The following ZFYVE9 variants were observed in gnomAD, a reference collection of about 807,000 sequenced individuals.
ZFYVE9 encodes the protein zinc finger FYVE domain-containing protein 9.
Under a neutral mutation model 126.7 loss-of-function variants are expected in ZFYVE9, and 43 were observed. The observed-to-expected ratio is 0.34, with a 90% CI of 0.27 to 0.44. The LOEUF is 0.44. ZFYVE9 is among the 20% of genes least tolerant of loss of function. ZFYVE9 has a pLI of 1.00. For synonymous variants in ZFYVE9, 521 were observed against 597.4 expected (o/e 0.87, Z 1.87); for missense variants, 1,476 against 1,697.0 (o/e 0.87, Z 2.29).
At chr1:52,309,363 C>T (rs1260441269) in intron 13 of ZFYVE9, among the ~76,000 whole-genome samples, 2 of 152,250 alleles carry the variant, frequency 1.3e-5, no homozygotes, top group East Asian at 3.9e-4. Context: ...CCCGTAGTCC[C>T]AGCTACTTGG....
chr1:52,208,496 GTTC>G (rs1415570003), intron 1 of ZFYVE9, among the ~76,000 whole-genome samples: 11 of 147,380 alleles, frequency 7.5e-5, no homozygotes, highest in East Asian at 5.9e-4. Context: ...AGTCTGAATT[GTTC>G]TTCTTTTTTT....
At chr1:52,177,464 G>A (rs576931543) in intron 1 of ZFYVE9, among the ~76,000 whole-genome samples, 6 of 152,200 alleles carry the variant, frequency 3.9e-5, no homozygotes, top group African/African-American at 1.4e-4. Flanking sequence ...ATGTTTCTTT[G>A]TTGATTTTTT....
At chr1:52,323,290 A>G (rs556975259) in intron 13 of ZFYVE9, among the ~76,000 whole-genome samples, 16 of 151,472 alleles carry the variant, frequency 1.1e-4, no homozygotes, top group African/African-American at 3.6e-4. Context: ...ACATCCTCTG[A>G]CTCTCCTATT....
At position 52,274,438 on chromosome 1, in the gene ZFYVE9, T is replaced by C. The variant is rs775049066; in HGVS notation, c.2626-26T>C. The stretch of plus-strand genomic sequence containing the variant: ...CAAAGTCTTGAATTCTCTGTAGTGC[T>C]CACTTTGTTGATTTGCTTTTCCTAG... On this transcript the variant is annotated intron_variant, in intron 7 of 18. Coordinates refer to ENST00000287727, the MANE Select transcript of ZFYVE9 (RefSeq NM_004799.4). 9 of 1,586,210 alleles carry C rather than the reference T, an allele frequency of 5.7e-6. No individual in the cohort carries two copies. The South Asian group carries it at 9.2e-5, about 16-fold the overall frequency.
chr1:52,274,419 C>T, intron 7 of ZFYVE9, 45 bp from the exon 8 acceptor site: 1 of 1,521,020 alleles, frequency 6.6e-7, no homozygotes, highest in Non-Finnish European at 8.9e-7. Context: ...CTGCCAAAGT[C>T]TTGAATTCTC....
chr1:52,210,220 G>A (rs1315010655), intron 1 of ZFYVE9, among the ~76,000 whole-genome samples: 3 of 152,110 alleles, frequency 2.0e-5, no homozygotes, highest in African/African-American at 4.8e-5. Flanking sequence ...AAGTTCCTGC[G>A]GTGCCAATAT....
rs1193525476 is a variant in ZFYVE9, at chr1:52,205,858, A to T, written c.-142-10511A>T. Among the ~76,000 whole-genome samples, 4 of 152,268 alleles carry T rather than the reference A, an allele frequency of 2.6e-5. 1 individual carries two copies. In the East Asian group the frequency reaches 7.7e-4, roughly 29 times the overall value. ...TATACAAATTATATCTCCCTGTTAG[A>T]TTGCCACCTAGAATGATCCGAAATA... On this transcript the variant is annotated intron_variant, in intron 1 of 18. Coordinates refer to ENST00000287727, the MANE Select transcript of ZFYVE9 (RefSeq NM_004799.4).
At position 52,184,880 on chromosome 1, in the gene ZFYVE9, C is replaced by T. The variant is rs116384031; in HGVS notation, c.-142-31489C>T. Among the ~76,000 whole-genome samples the T allele has an allele frequency of 4.8e-3, 737 of 152,178 alleles. 6 individuals carry two copies. The highest frequency in any genetic ancestry group is 0.017 in the African/African-American group (708 of 41,522). On this transcript the variant is annotated intron_variant, in intron 1 of 18. Coordinates refer to ENST00000287727, the MANE Select transcript of ZFYVE9 (RefSeq NM_004799.4). ...TCTCAAAAACAAAACAAAGACTGGGCACGGTGGCTCATGCCTGTAATCCCA... is the reference window on the plus strand; with the variant it reads ...TCTCAAAAACAAAACAAAGACTGGGTACGGTGGCTCATGCCTGTAATCCCA...
At chr1:52,203,224 C>T (rs1450733786) in intron 1 of ZFYVE9, among the ~76,000 whole-genome samples, 1 of 151,850 alleles carries the variant, frequency 6.6e-6, no homozygotes, top group African/African-American at 2.4e-5. Context: ...CTCTTTTGCC[C>T]AGACTGGAGT....
At chr1:52,159,750 G>T (rs551324893) in intron 1 of ZFYVE9, among the ~76,000 whole-genome samples, 1 of 152,214 alleles carries the variant, frequency 6.6e-6, no homozygotes, top group South Asian at 2.1e-4. Context: ...GCTGCAACAT[G>T]TAATAAGCAA....
Position 52,142,776 on chromosome 1 carries a change from A to G in ZFYVE9, c.-143+373A>G, listed in dbSNP as rs1644272238. The stretch of plus-strand genomic sequence containing the variant: ...GGAGGCAGATGACGCCTGTTTGCAA[A>G]CAAGCTTTGGCTTCCACGCGTCCCA... On this transcript the variant is annotated intron_variant, in intron 1 of 18. Transcript: ENST00000287727. This position sits in a 1 kb window ranked among gnomAD's most constrained non-coding sequence, Gnocchi z 4.5. Among the ~76,000 whole-genome samples, 2 of 152,110 alleles carry G rather than the reference A, an allele frequency of 1.3e-5. No homozygotes were observed.
chr1:52,146,066 C>T (rs1644304543), intron 1 of ZFYVE9, among the ~76,000 whole-genome samples: 1 of 139,714 alleles, frequency 7.2e-6, no homozygotes, highest in African/African-American at 2.9e-5. Flanking sequence ...CAAAAGTAAT[C>T]ATACAATAAT....
At chr1:52,255,746 A>G (rs1479392680) in intron 4 of ZFYVE9, among the ~76,000 whole-genome samples, 24 of 152,026 alleles carry the variant, frequency 1.6e-4, no homozygotes, top group Admixed American at 1.5e-3. Flanking sequence ...TACTAAAATT[A>G]GCTGGGTATT....
Position 52,293,261 on chromosome 1 carries a change from C to G in ZFYVE9, c.3026-192C>G, listed in dbSNP as rs897401244. 2.0e-5 allele frequency among the ~76,000 whole-genome samples: 3 copies of G among 151,614 alleles called. No homozygotes were observed. The South Asian group carries it at 6.3e-4, about 32-fold the overall frequency. Reference sequence around the variant, plus strand: ...AGGTCTGGTGGCGGGCACCTGTAGTCCCACCTACTCAGGAGGCTGAGGCAG... The same window carrying G: ...AGGTCTGGTGGCGGGCACCTGTAGTGCCACCTACTCAGGAGGCTGAGGCAG... On this transcript the variant is annotated intron_variant, in intron 10 of 18. Transcript: ENST00000287727.
rs1475342547 is a variant in ZFYVE9 at position 52,184,758 on chromosome 1, CG to C, written c.-142-31609del. Reference sequence around the variant, plus strand: ...TGTAAAAGAATTGAAAAACTGAGTGCGGTGACCTATAATCCCAGATGCTTGG... The same window carrying C: ...TGTAAAAGAATTGAAAAACTGAGTGCGTGACCTATAATCCCAGATGCTTGG... On this transcript the variant is annotated intron_variant, in intron 1 of 18. Transcript: ENST00000287727. 4.3e-4 allele frequency among the ~76,000 whole-genome samples: 65 copies of C among 152,154 alleles called. 1 individual carries two copies. The highest frequency in any genetic ancestry group is 1.6e-4 in the Non-Finnish European group (11 of 67,994).
At chr1:52,254,217 T>G in intron 4 of ZFYVE9, 1 of 462,370 alleles carries the variant, frequency 2.2e-6, no homozygotes, top group Non-Finnish European at 3.9e-6. Flanking sequence ...AAACGTATCT[T>G]TGTTTTATCC....
intron 1 of ZFYVE9, among the ~76,000 whole-genome samples, chr1:52,216,022 A>G (rs1645068923): frequency 1.3e-5 from 2 of 152,208 alleles, no homozygotes; most frequent in Admixed American, 6.5e-5. Flanking sequence ...TTAGCTTTGG[A>G]TTCTTGGAGG....
In ZFYVE9 at chr1:52,337,624, A is replaced by G. The variant is rs1646401024; in HGVS notation, c.3671-148A>G. The G allele has an allele frequency of 5.3e-6, 4 of 754,274 alleles. No homozygotes were observed. In the South Asian group the frequency reaches 9.8e-5, roughly 18 times the overall value. 46.7% of individuals were successfully genotyped at this position (754,274 alleles called of 1,614,324 possible). A position where few individuals can be genotyped will look rare whatever the true frequency, so the allele number is the denominator to read the frequency against. On this transcript the variant is annotated intron_variant, in intron 15 of 18. Coordinates refer to ENST00000287727, the MANE Select transcript of ZFYVE9 (RefSeq NM_004799.4). ...TGGCATTGCTTCTCACAACACTTTC[A>G]GTAAGAGGTTCAGCTCAAAGAGCAA... is the stretch of plus-strand genomic sequence containing the variant.
intron 2 of ZFYVE9, among the ~76,000 whole-genome samples, chr1:52,219,749 T>TGTGTGTGTGTGTGTGTG (rs1431955734): frequency 3.5e-5 from 4 of 113,274 alleles, no homozygotes; most frequent in African/African-American, 1.4e-4. Context: ...CCAAGATCTT[T>TGTGTGTGTGTGTGTGTG]TGTGTGTGTG....
Sources: allele counts gnomAD v4.1 joint callset (sites outside exome capture counted in the v4.1 genomes callset), GRCh38; gene constraint gnomAD v4.1.1; non-coding constraint Gnocchi (gnomAD v3.1); transcripts MANE v1.5; gene names NCBI Gene and HGNC (gene_info 2026-07-23, HGNC 2026-07-21).